Variants in TRAPPC8 observed in about 807,000 individuals in gnomAD.
TRAPPC8 encodes the protein trafficking protein particle complex subunit 8, also known as general sporulation gene 1 homolog.
In TRAPPC8, 54 loss-of-function variants were observed where a neutral mutation model predicts 174.3. That is an observed-to-expected ratio of 0.31 (90% CI 0.25 to 0.39). The LOEUF (loss-of-function observed/expected upper bound fraction) is 0.39, where lower values mean the gene tolerates loss of function less well. Ranked by LOEUF, TRAPPC8 falls within the 10% of genes least tolerant of loss-of-function variation. The pLI, the probability that TRAPPC8 is intolerant of heterozygous loss-of-function variation, is 1.00. For missense variants in TRAPPC8, 1,531 were observed against 1,699.1 expected (o/e 0.90, Z 1.74); for synonymous variants, 630 against 579.9 (o/e 1.09, Z -1.24).
chr18:31,935,672 G>A (rs1169654777), intron 1 of TRAPPC8, among the ~76,000 whole-genome samples: 1 of 151,240 alleles, frequency 6.6e-6, no homozygotes, highest in East Asian at 1.9e-4. Flanking sequence ...GGAGGCTAAA[G>A]CAGGAGGATC....
At chr18:31,857,293 GT>G (rs2034073026) in intron 20 of TRAPPC8, among the ~76,000 whole-genome samples, 1 of 152,000 alleles carries the variant, frequency 6.6e-6, no homozygotes, top group South Asian at 2.1e-4. Flanking sequence ...TACTTAAATC[GT>G]ATCAAACAAT....
At chr18:31,860,896 T>C (rs1490855877) in intron 19 of TRAPPC8, among the ~76,000 whole-genome samples, 9 of 152,214 alleles carry the variant, frequency 5.9e-5, no homozygotes, top group Non-Finnish European at 1.5e-5. Flanking sequence ...AAGTATTGTG[T>C]AAACTGCTTT....
chr18:31,936,939 G>A (rs1471211752), intron 1 of TRAPPC8, among the ~76,000 whole-genome samples: 3 of 148,146 alleles, frequency 2.0e-5, no homozygotes, highest in Non-Finnish European at 3.0e-5. Flanking sequence ...GGAGCCAGGC[G>A]CGGTGGCTCA....
chr18:31,926,307 A>G (rs1416204352), intron 2 of TRAPPC8, among the ~76,000 whole-genome samples: 1 of 152,232 alleles, frequency 6.6e-6, no homozygotes, highest in Admixed American at 6.5e-5. Context: ...CCACATAGGA[A>G]TATCATCCTT....
intron 19 of TRAPPC8, among the ~76,000 whole-genome samples, chr18:31,861,684 C>T (rs536124826): frequency 6.6e-5 from 10 of 152,052 alleles, no homozygotes; most frequent in South Asian, 2.1e-4. Context: ...TGCCTATAAC[C>T]GCAGCACTTT....
chr18:31,903,686 T>G (rs1394449830), intron 9 of TRAPPC8, among the ~76,000 whole-genome samples: 2 of 152,216 alleles, frequency 1.3e-5, no homozygotes, highest in Admixed American at 1.3e-4. Context: ...ACCATTTTTC[T>G]TAAGCCTATT....
chr18:31,871,731 T>C (rs2034871849), intron 14 of TRAPPC8, among the ~76,000 whole-genome samples: 1 of 152,214 alleles, frequency 6.6e-6, no homozygotes, highest in Non-Finnish European at 1.5e-5. Flanking sequence ...TTAGCATGAA[T>C]TCTCATGTAC....
chr18:31,930,107 T>C (rs936374502), intron 2 of TRAPPC8, among the ~76,000 whole-genome samples: 1 of 152,012 alleles, frequency 6.6e-6, no homozygotes, highest in African/African-American at 2.4e-5. Context: ...ATTCTCTGCG[T>C]ATGTTTAGGA....
chr18:31,880,103 A>T (rs2035359568), intron 12 of TRAPPC8, among the ~76,000 whole-genome samples: 1 of 86,858 alleles, frequency 1.2e-5, no homozygotes, highest in South Asian at 4.3e-4. Context: ...ATATATATAT[A>T]TATATATATA....
intron 7 of TRAPPC8, 52 bp downstream of exon 7, chr18:31,908,702 T>A: frequency 7.0e-7 from 1 of 1,438,830 alleles, no homozygotes; most frequent in Non-Finnish European, 9.2e-7. Context: ...AATTCTTAAA[T>A]TTACTATTTA....
chr18:31,866,357 T>C (rs2034586949), intron 18 of TRAPPC8, among the ~76,000 whole-genome samples: 1 of 152,136 alleles, frequency 6.6e-6, no homozygotes, highest in East Asian at 1.9e-4. Flanking sequence ...GTGTAGAACA[T>C]ACTGTATAGT....
intron 20 of TRAPPC8, 110 bp from the exon 21 acceptor site, chr18:31,855,917 T>C (rs1187171026): frequency 4.2e-6 from 5 of 1,201,214 alleles, no homozygotes; most frequent in Non-Finnish European, 3.4e-6. Flanking sequence ...GGACCATTTA[T>C]ACTCTAAAAA....
chr18:31,900,232 T>A (rs987105041), intron 10 of TRAPPC8, among the ~76,000 whole-genome samples: 8 of 151,932 alleles, frequency 5.3e-5, no homozygotes, highest in Admixed American at 4.6e-4. Context: ...AGACTCCTCC[T>A]CAAAAAAAAC....
chr18:31,861,936 A>AGGGGGGG (rs398032373), intron 19 of TRAPPC8, among the ~76,000 whole-genome samples: 1 of 64,266 alleles, frequency 1.6e-5, no homozygotes, highest in Non-Finnish European at 2.7e-5. Flanking sequence ...AAAAAAAAAA[A>AGGGGGGG]GGGGGGGGGG....
chr18:31,917,775 ACAGT>A, intron 2 of TRAPPC8, 108 bp from the exon 3 acceptor site: 1 of 914,748 alleles, frequency 1.1e-6, no homozygotes, highest in Non-Finnish European at 1.7e-6. Context: ...AAAATTTCTA[ACAGT>A]AAACAAGCAT....
chr18:31,914,984 AGTGCCT>A (rs2037070006), intron 4 of TRAPPC8, among the ~76,000 whole-genome samples: 1 of 152,218 alleles, frequency 6.6e-6, no homozygotes, highest in Non-Finnish European at 1.5e-5. Flanking sequence ...CAGTGGAAAA[AGTGCCT>A]GTAAGCAAGT....
At chr18:31,934,546 G>GGT (rs2037995810) in intron 1 of TRAPPC8, among the ~76,000 whole-genome samples, 2 of 152,094 alleles carry the variant, frequency 1.3e-5, no homozygotes, top group South Asian at 4.1e-4. Context: ...GATATCCTTA[G>GGT]GAACATATTG....
chr18:31,937,629 C>G (rs752207137), intron 1 of TRAPPC8: 1 of 151,456 alleles, frequency 6.6e-6, no homozygotes, highest in South Asian at 2.1e-4. Flanking sequence ...TTCAAGAATT[C>G]AAAAAGAAAA....
intron 12 of TRAPPC8, among the ~76,000 whole-genome samples, chr18:31,882,341 A>C (rs2035495540): frequency 6.6e-6 from 1 of 152,158 alleles, no homozygotes; most frequent in Admixed American, 6.5e-5. Context: ...TCATAAGTGA[A>C]ATAAATCAGA....
Sources: allele counts gnomAD v4.1 joint callset (sites outside exome capture counted in the v4.1 genomes callset), GRCh38; gene constraint gnomAD v4.1.1; transcripts MANE v1.5; gene names NCBI Gene and HGNC (gene_info 2026-07-23, HGNC 2026-07-21).